Variants in PKN3 observed in about 807,000 individuals in gnomAD.
The protein encoded by PKN3 is protein kinase N3, also known as serine/threonine-protein kinase N3.
Under a neutral mutation model 113.1 loss-of-function variants are expected in PKN3, and 91 were observed. That is an observed-to-expected ratio of 0.80 (90% CI 0.68 to 0.96). The LOEUF is 0.96. PKN3 is among the 40% of genes least tolerant of loss of function. The pLI is 0.00. For missense variants in PKN3, 1,052 were observed against 1,202.2 expected, an observed-to-expected ratio of 0.88 and a Z score of 1.85; for synonymous variants, 467 against 499.0, an observed-to-expected ratio of 0.94 and a Z score of 0.85.
chr9:128,705,975 A>G, intron 3 of PKN3, 96 bp downstream of exon 3: 1 of 1,220,608 alleles, frequency 8.2e-7, no homozygotes, highest in South Asian at 1.6e-5. Flanking sequence ...ACACCATTCC[A>G]GCCTGCAGCC....
At chr9:128,712,609 T>C (rs1862211996) in intron 6 of PKN3, among the ~76,000 whole-genome samples, 1 of 152,136 alleles carries the variant, frequency 6.6e-6, no homozygotes, top group Non-Finnish European at 1.5e-5. Context: ...CATCTCGTCA[T>C]GTGCTGTGGC....
chr9:128,704,750 C>G (rs1280314586), intron 1 of PKN3, among the ~76,000 whole-genome samples: 1 of 152,060 alleles, frequency 6.6e-6, no homozygotes, highest in African/African-American at 2.4e-5. Context: ...GAAACCCCGT[C>G]CCTACTAAAA....
intron 3 of PKN3, 50 bp from the exon 4 acceptor site, chr9:128,706,663 G>A (rs1344341678): frequency 7.4e-7 from 1 of 1,347,006 alleles, no homozygotes; most frequent in South Asian, 1.5e-5. Context: ...TCTGATGGGG[G>A]AAGCTGTGGC....
intron 3 of PKN3, 49 bp downstream of exon 3, chr9:128,705,928 C>T (rs750835539): frequency 6.7e-7 from 1 of 1,500,028 alleles, no homozygotes; most frequent in Non-Finnish European, 9.0e-7. Context: ...CCTGGTCTGA[C>T]AGGGAAATGC....
chr9:128,715,442 G>C lies in PKN3; in HGVS notation c.1790G>C (p.Ser597Thr), dbSNP rs541998479. The change falls in exon 15 of 22, where the codon AGC (serine) becomes ACC (threonine). Residue 597 changes from serine (S) to threonine (T), a missense_variant. Ser to Thr is a moderately conservative substitution (Grantham distance 58). This residue lies in a region of PKN3 where 333 missense variants were observed against 442.8 expected (regional missense o/e 0.75). Coordinates refer to ENST00000291906, the MANE Select transcript of PKN3 (RefSeq NM_013355.5). The surrounding 1 kb of genome is among the most constrained non-coding windows in gnomAD (Gnocchi z 4.1). ...GCACTGAAGAAGCAGGAGGTGCTCA[G>C]CCGGGACGAGATAGAGAGGTGTGTG... ...IKALKKQEVLSRDEIESLYCE... is the reference protein window; with the variant it reads ...IKALKKQEVLTRDEIESLYCE... 1 of 1,613,802 alleles carries C rather than the reference G, an allele frequency of 6.2e-7. No homozygotes were observed. The highest frequency in any genetic ancestry group is 2.2e-5 in the East Asian group (1 of 44,882).
At position 128,705,536 on chromosome 9, in the gene PKN3, C is replaced by T; in HGVS notation, c.258C>T (p.Gly86=). ...ARILLPGPGP[G]PAEPVASGPR... ...TCCTGCTGCCCGGCCCTGGGCCTGGCCCAGCTGGTGAGTGAGGAGCTGAGA... is the reference window on the plus strand; with the variant it reads ...TCCTGCTGCCCGGCCCTGGGCCTGGTCCAGCTGGTGAGTGAGGAGCTGAGA... The change falls in exon 2 of 22, where the codon GGC becomes GGT. Residue 86 remains glycine, a synonymous_variant. Transcript: ENST00000291906. 5.8e-6 allele frequency: 9 copies of T among 1,555,470 alleles called. No homozygotes were observed. The highest frequency in any genetic ancestry group is 7.8e-6 in the Non-Finnish European group (9 of 1,150,336).
intron 17 of PKN3, 34 bp from the exon 18 acceptor site, chr9:128,718,505 TCTAAGCCCCA>T: frequency 6.3e-7 from 1 of 1,598,160 alleles, no homozygotes; most frequent in East Asian, 2.2e-5. Flanking sequence ...GTTCCCTGGG[TCTAAGCCCCA>T]CTCAGTCCCT....
chr9:128,711,789 G>T (rs1290140447), intron 6 of PKN3, among the ~76,000 whole-genome samples: 1 of 150,790 alleles, frequency 6.6e-6, no homozygotes. Context: ...AGTAGAGACA[G>T]AGTTTCACCA....
At chr9:128,707,939 G>T (rs1214162941) in intron 6 of PKN3, among the ~76,000 whole-genome samples, 2 of 151,864 alleles carry the variant, frequency 1.3e-5, no homozygotes, top group Non-Finnish European at 2.9e-5. Context: ...GGGCGTGGTG[G>T]CGGGTGCCTG....
chr9:128,715,420 C>T lies in PKN3; in HGVS notation c.1768C>T (p.Leu590=), dbSNP rs1173553181. 4.3e-6 allele frequency: 7 copies of T among 1,613,886 alleles called. No individual in the cohort carries two copies. The highest frequency in any genetic ancestry group is 1.7e-5 in the Admixed American group (1 of 59,992). Residue 590 remains leucine (L), a synonymous_variant, in exon 15 of 22, where the codon CTG becomes TTG. Coordinates refer to ENST00000291906, the MANE Select transcript of PKN3 (RefSeq NM_013355.5). This position sits in a 1 kb window ranked among gnomAD's most constrained non-coding sequence, Gnocchi z 4.1. The part of the protein sequence containing the change: ...GTGKYYAIKA[L]KKQEVLSRDE... ...AGGGAAATACTACGCCATCAAAGCACTGAAGAAGCAGGAGGTGCTCAGCCG... is the reference window on the plus strand; with the variant it reads ...AGGGAAATACTACGCCATCAAAGCATTGAAGAAGCAGGAGGTGCTCAGCCG...
At position 128,718,394 on chromosome 9, in the gene PKN3, T is replaced by C; in HGVS notation, c.2048+7T>C. On this transcript the variant is annotated splice_region_variant and intron_variant, in intron 17 of 21. Coordinates refer to ENST00000291906, the MANE Select transcript of PKN3 (RefSeq NM_013355.5). ...AGAAGAAGATCATTTACAGGTGACT[T>C]TTGTCCCAGGGATGCACGGGGGTAG... is the stretch of plus-strand genomic sequence containing the variant. The C allele has an allele frequency of 3.7e-6, 6 of 1,612,250 alleles. No individual in the cohort carries two copies. Among genetic ancestry groups the C allele is most frequent in the Non-Finnish European group, 5.1e-6 (6 of 1,179,028 alleles).
chr9:128,703,380 G>A, intron 1 of PKN3: 1 of 985,448 alleles, frequency 1.0e-6, no homozygotes. Flanking sequence ...GCTTGGCAGT[G>A]GCAGGAGTCC....
chr9:128,720,240 G>T lies in PKN3; in HGVS notation c.2414G>T (p.Gly805Val), dbSNP rs1031769231. The change falls in exon 21 of 22, where the codon GGT (glycine) becomes GTT (valine). Residue 805 changes from glycine (G) to valine (V), a missense_variant. Gly to Val is a moderately radical substitution (Grantham distance 109). Around this residue, in one of 2 missense-constraint regions of PKN3, gnomAD observed 333 missense variants for 442.8 expected, o/e 0.75. Coordinates refer to ENST00000291906, the MANE Select transcript of PKN3 (RefSeq NM_013355.5). The surrounding 1 kb of genome is among the most constrained non-coding windows in gnomAD (Gnocchi z 5.5). ...TGCCCGGAGAAGCGCCTCGGGGCAG[G>T]TGAGCAGGATGCCGAGGAGATCAAG... ...QKCPEKRLGAGEQDAEEIKVQ... is the reference protein window; with the variant it reads ...QKCPEKRLGAVEQDAEEIKVQ... 4.3e-6 allele frequency: 7 copies of T among 1,613,982 alleles called. No individual in the cohort carries two copies. The East Asian group carries it at 1.3e-4, about 31-fold the overall frequency.
At position 128,707,298 on chromosome 9, in the gene PKN3, T is replaced by C. The variant is rs757295652; in HGVS notation, c.728T>C (p.Leu243Pro). Residue 243 changes from leucine to proline, a missense_variant, in exon 6 of 22, where the codon CTG (leucine) becomes CCG (proline). By Grantham distance (98) the Leu-to-Pro change is moderately conservative (BLOSUM62 -3). Transcript: ENST00000291906. The part of the protein sequence containing the change: ...RLALEQLLEQ[L>P]PPAHPLRSRV... Reference sequence around the variant, plus strand: ...GCCTTGGAGCAGCTGCTGGAGCAACTGCCTCCTGCCCACCCTTTGCGCAGC... The same window carrying C: ...GCCTTGGAGCAGCTGCTGGAGCAACCGCCTCCTGCCCACCCTTTGCGCAGC... The C allele has an allele frequency of 1.4e-5, 23 of 1,613,896 alleles. No homozygotes were observed. The South Asian group carries it at 2.3e-4, about 16-fold the overall frequency.
At position 128,705,358 on chromosome 9, in the gene PKN3, T is replaced by A; in HGVS notation, c.80T>A (p.Ile27Asn). 6.3e-7 allele frequency: 1 copy of A among 1,590,172 alleles called. No homozygotes were observed. Among genetic ancestry groups the A allele is most frequent in the Non-Finnish European group, 8.6e-7 (1 of 1,169,310 alleles). The change falls in exon 2 of 22, where the codon ATC (isoleucine) becomes AAC (asparagine). Residue 27 changes from isoleucine (I) to asparagine (N), a missense_variant. Transcript: ENST00000291906. ...EDEKEVIRRA[I>N]QKELKIKEGV... ...GAGAAGGAGGTGATCCGCCGGGCCA[T>A]CCAGAAAGAGCTGAAGATCAAGGAG... is the stretch of plus-strand genomic sequence containing the variant.
intron 16 of PKN3, among the ~76,000 whole-genome samples, chr9:128,717,127 T>C (rs1862366812): frequency 1.0e-5 from 1 of 95,458 alleles, no homozygotes. Flanking sequence ...CTTTTTTTTT[T>C]TTTTTTTTTT....
intron 6 of PKN3, among the ~76,000 whole-genome samples, chr9:128,712,170 A>G (rs929874656): frequency 3.9e-5 from 6 of 152,170 alleles, no homozygotes; most frequent in African/African-American, 1.2e-4. Flanking sequence ...TTGGTCTCCC[A>G]AAGTGTTGGG....
rs368148432 is a variant in PKN3 at position 128,715,407 on chromosome 9, C to T, written c.1755C>T (p.Tyr585=). The change falls in exon 15 of 22, where the codon TAC becomes TAT. Residue 585 remains tyrosine (Y), a synonymous_variant. Transcript: ENST00000291906. The surrounding 1 kb of genome is among the most constrained non-coding windows in gnomAD (Gnocchi z 4.1). ...AGTTCAAGGGGACAGGGAAATACTA[C>T]GCCATCAAAGCACTGAAGAAGCAGG... ...LVQFKGTGKY[Y]AIKALKKQEV... is the part of the protein sequence containing the mutation. 1.5e-5 allele frequency: 25 copies of T among 1,613,924 alleles called. No individual in the cohort carries two copies. Among genetic ancestry groups the T allele is most frequent in the East Asian group, 6.7e-5 (3 of 44,898 alleles).
In PKN3 at chr9:128,705,320, G is replaced by A. The variant is rs888286625; in HGVS notation, c.42G>A (p.Trp14Ter). ...GAPRQPGPSQ[W>*]PPEDEKEVIR... is the part of the protein sequence containing the mutation. ...CTCTGCAGCCTGGGCCGAGCCAGTG[G>A]CCCCCAGAGGATGAGAAGGAGGTGA... The change falls in exon 2 of 22, where the codon TGG (tryptophan) becomes TGA (stop). Residue 14 changes from tryptophan to a stop codon, truncating the protein, a stop_gained. Coordinates refer to ENST00000291906, the MANE Select transcript of PKN3 (RefSeq NM_013355.5). LOFTEE classifies it high-confidence loss of function. The A allele has an allele frequency of 1.3e-6, 2 of 1,558,552 alleles. No homozygotes were observed. Among genetic ancestry groups the A allele is most frequent in the South Asian group, 2.4e-5 (2 of 84,848 alleles).
Sources: allele counts gnomAD v4.1 joint callset (sites outside exome capture counted in the v4.1 genomes callset), GRCh38; gene constraint gnomAD v4.1.1; regional missense constraint gnomAD v4.1.1; non-coding constraint Gnocchi (gnomAD v3.1); transcripts MANE v1.5; gene names NCBI Gene and HGNC (gene_info 2026-07-23, HGNC 2026-07-21).